The following SAMD3 variants were observed in gnomAD, a reference collection of about 807,000 sequenced individuals.
The protein encoded by SAMD3 is sterile alpha motif domain-containing protein 3.
SAMD3 carries 63 observed loss-of-function variants against 58.5 expected under a neutral mutation model. That is an observed-to-expected ratio of 1.08 (90% CI 0.88 to 1.33). The LOEUF is 1.33. Among genes scored for constraint, SAMD3 ranks in the 40% most tolerant of loss-of-function variants. SAMD3 has a pLI of 0.00. For synonymous variants in SAMD3, 220 were observed against 210.3 expected, an observed-to-expected ratio of 1.05 and a Z score of -0.40; for missense variants, 604 against 608.4, an observed-to-expected ratio of 0.99 and a Z score of 0.08.
intron 5 of SAMD3, among the ~76,000 whole-genome samples, chr6:130,197,490 C>A (rs1794247967): frequency 6.6e-6 from 1 of 152,222 alleles, no homozygotes; most frequent in South Asian, 2.1e-4. Flanking sequence ...CCTGAGTCGT[C>A]CCAATTCTTA....
intron 5 of SAMD3, among the ~76,000 whole-genome samples, chr6:130,193,033 C>T (rs902995214): frequency 6.6e-6 from 1 of 152,198 alleles, no homozygotes; most frequent in East Asian, 1.9e-4. Context: ...AACTCCGGTG[C>T]CAGTCACAGA....
At chr6:130,165,414 A>C (rs1485653328) in intron 8 of SAMD3, among the ~76,000 whole-genome samples, 1 of 152,132 alleles carries the variant, frequency 6.6e-6, no homozygotes, top group Admixed American at 6.5e-5. Flanking sequence ...CAAACAAACA[A>C]AAAAACACAG....
intron 2 of SAMD3, among the ~76,000 whole-genome samples, chr6:130,240,705 G>A (rs1253080432): frequency 3.3e-5 from 5 of 152,080 alleles, no homozygotes; most frequent in African/African-American, 1.2e-4. Flanking sequence ...GGGCTTATGA[G>A]GTTTGATTCT....
At chr6:130,185,205 A>G (rs1007487397) in intron 5 of SAMD3, among the ~76,000 whole-genome samples, 3 of 152,226 alleles carry the variant, frequency 2.0e-5, no homozygotes, top group Non-Finnish European at 4.4e-5. Context: ...GAAAACTATA[A>G]CTACAGAAGG....
chr6:130,365,309 GT>G, exon 1 of SAMD3: 1 of 985,420 alleles, frequency 1.0e-6, no homozygotes, highest in Non-Finnish European at 1.2e-6. Context: ...CCGTGCTTCA[GT>G]TCCCTCTGTC....
At chr6:130,184,763 C>A in intron 5 of SAMD3, 140 bp from the exon 6 acceptor site, 1 of 616,570 alleles carries the variant, frequency 1.6e-6, no homozygotes, top group Non-Finnish European at 2.8e-6. Context: ...CATCTTCCAT[C>A]CATTCATCCA....
intron 1 of SAMD3, among the ~76,000 whole-genome samples, chr6:130,324,000 A>T (rs1776673329): frequency 2.0e-5 from 3 of 152,144 alleles, no homozygotes; most frequent in Non-Finnish European, 4.4e-5. Flanking sequence ...TGCACAAGGG[A>T]TGAATGAATA....
intron 5 of SAMD3, among the ~76,000 whole-genome samples, chr6:130,187,405 G>C (rs1192743415): frequency 1.3e-5 from 2 of 151,808 alleles, no homozygotes; most frequent in Non-Finnish European, 1.5e-5. Context: ...GATCCAAGGA[G>C]ACAGATACTC....
upstream of SAMD3, among the ~76,000 whole-genome samples, chr6:130,225,950 T>A (rs1796372664): frequency 6.6e-6 from 1 of 152,234 alleles, no homozygotes; most frequent in Admixed American, 6.5e-5. Context: ...TCCATTGTCT[T>A]CTGATCACAT....
In SAMD3 at chr6:130,284,710, A is replaced by G. The variant is rs115635905; in HGVS notation, c.-188+28268T>C. On this transcript the variant is annotated intron_variant, in intron 2 of 13. Transcript: ENST00000368134. ...GTTGACCAGGTAAATAATCAAAATT[A>G]GGCTAGTGTATCTATATTAACATAA... Among the ~76,000 whole-genome samples the G allele has an allele frequency of 9.2e-3, 1,395 of 152,302 alleles. 19 individuals are homozygous for G. The highest frequency in any genetic ancestry group is 0.031 in the African/African-American group (1,308 of 41,576).
At chr6:130,155,563 C>G (rs1184937290) in intron 8 of SAMD3, among the ~76,000 whole-genome samples, 2 of 152,100 alleles carry the variant, frequency 1.3e-5, no homozygotes, top group African/African-American at 4.8e-5. Flanking sequence ...GTGGGGGCAG[C>G]TAAGAAACAC....
intron 11 of SAMD3, among the ~76,000 whole-genome samples, 174 bp downstream of exon 11, chr6:130,145,166 C>A (rs949269349): frequency 6.6e-6 from 1 of 151,966 alleles, no homozygotes; most frequent in African/African-American, 2.4e-5. Flanking sequence ...GGCTGAGGCA[C>A]GAGAATCGCT....
At chr6:130,176,713 G>C (rs1791764766) in intron 7 of SAMD3, among the ~76,000 whole-genome samples, 1 of 152,214 alleles carries the variant, frequency 6.6e-6, no homozygotes, top group Non-Finnish European at 1.5e-5. Flanking sequence ...TAGGTCTTAG[G>C]GTCAGGTAAC....
intron 8 of SAMD3, among the ~76,000 whole-genome samples, 183 bp from the exon 9 acceptor site, chr6:130,155,208 C>G (rs918276143): frequency 6.6e-6 from 1 of 152,138 alleles, no homozygotes; most frequent in Non-Finnish European, 1.5e-5. Flanking sequence ...TAGTTAATTA[C>G]TTATCATGGA....
At chr6:130,168,634 A>G (rs1790942283) in intron 8 of SAMD3, among the ~76,000 whole-genome samples, 1 of 152,150 alleles carries the variant, frequency 6.6e-6, no homozygotes. Flanking sequence ...CTTGCCTTTG[A>G]GTGAATGGCC....
intron 1 of SAMD3, among the ~76,000 whole-genome samples, chr6:130,346,638 A>G (rs1037007894): frequency 3.3e-4 from 50 of 152,112 alleles, no homozygotes; most frequent in Admixed American, 1.7e-3. Flanking sequence ...GCCTCTGTAG[A>G]CTCCACCTCT....
chr6:130,211,275 A>AT (rs1562452834), intron 4 of SAMD3, among the ~76,000 whole-genome samples: 2 of 134,314 alleles, frequency 1.5e-5, no homozygotes, highest in Admixed American at 8.2e-5. Context: ...TGCCAATCAG[A>AT]ATTTTTTTTT....
chr6:130,362,682 A>G (rs933472508), intron 1 of SAMD3, among the ~76,000 whole-genome samples: 23 of 152,322 alleles, frequency 1.5e-4, no homozygotes, highest in Non-Finnish European at 2.6e-4. Context: ...GAGGTATCTG[A>G]TTATCTAATA....
Position 130,299,097 on chromosome 6 carries a change from CTT to C in SAMD3, c.-188+13879_-188+13880del, listed in dbSNP as rs1775662765. On this transcript the variant is annotated intron_variant, in intron 2 of 13. Transcript: ENST00000368134. ...AGAAACTCTGGACTTAAATTGGACT[CTT>C]GACCAAATGGACCTAATAGACATCT... 2.0e-5 allele frequency among the ~76,000 whole-genome samples: 3 copies of C among 152,182 alleles called. No individual in the cohort carries two copies. In the South Asian group the frequency reaches 6.2e-4, roughly 31 times the overall value.
Sources: allele counts gnomAD v4.1 joint callset (sites outside exome capture counted in the v4.1 genomes callset), GRCh38; gene constraint gnomAD v4.1.1; transcripts MANE v1.5; gene names NCBI Gene and HGNC (gene_info 2026-07-23, HGNC 2026-07-21).